The following FAM234A variants were observed in gnomAD, a reference collection of about 807,000 sequenced individuals.
FAM234A encodes the protein family with sequence similarity 234 member A.
FAM234A carries 42 observed loss-of-function variants against 49.1 expected under a neutral mutation model. The observed-to-expected ratio is 0.86, with a 90% CI of 0.67 to 1.11. FAM234A has a LOEUF of 1.11. Ranked by LOEUF, FAM234A falls within the 50% of genes least tolerant of loss-of-function variation. The pLI is 0.00. For synonymous variants in FAM234A, 369 were observed against 316.2 expected (o/e 1.17, Z -1.77); for missense variants, 815 against 745.2 (o/e 1.09, Z -1.09).
At chr16:243,713 C>T (rs1193039566) in intron 1 of FAM234A, among the ~76,000 whole-genome samples, 1 of 152,180 alleles carries the variant, frequency 6.6e-6, no homozygotes, top group Non-Finnish European at 1.5e-5. Flanking sequence ...TCCTGACCAG[C>T]TTTTTAATTT....
rs755147432 is a variant in FAM234A, at chr16:264,884, CCTGGT to C, written c.1524_1528del (p.Val509CysfsTer20). ...GCCCGGCAGACTCAGAGGCACCCGGCCTGGTCTCTGTGATCAAGCACAAGGTGCGG... is the reference window on the plus strand; with the variant it reads ...GCCCGGCAGACTCAGAGGCACCCGGCCTCTGTGATCAAGCACAAGGTGCGG... On this transcript the variant is annotated frameshift_variant, in exon 13 of 13. Transcript: ENST00000399932. LOFTEE classifies it low-confidence loss of function (END_TRUNC). 6.2e-7 allele frequency: 1 copy of C among 1,612,832 alleles called. No individual in the cohort carries two copies. Among genetic ancestry groups the C allele is most frequent in the South Asian group, 1.1e-5 (1 of 91,086 alleles).
chr16:243,156 T>G (rs147780741), intron 1 of FAM234A, among the ~76,000 whole-genome samples: 27 of 152,006 alleles, frequency 1.8e-4, no homozygotes, highest in African/African-American at 6.5e-4. Context: ...TTATTTTACT[T>G]TTTGTAGAGA....
chr16:261,619 A>G lies in FAM234A; in HGVS notation c.708+105A>G, dbSNP rs895157028. On this transcript the variant is annotated intron_variant, in intron 6 of 12. Coordinates refer to ENST00000399932, the MANE Select transcript of FAM234A (RefSeq NM_032039.4). ...ACTTCCCAGACAGGATTCGGGTCTG[A>G]CCACTTGCCGGGGACTCGCCCAGAG... 2.9e-6 allele frequency: 4 copies of G among 1,387,860 alleles called. No individual in the cohort carries two copies. The African/African-American group carries it at 4.3e-5, about 15-fold the overall frequency. The allele number at this position is 1,387,860 out of a possible 1,614,324, so 86.0% of individuals were successfully genotyped here.
At chr16:248,736 T>G (rs1355294672) in intron 1 of FAM234A, among the ~76,000 whole-genome samples, 2 of 151,888 alleles carry the variant, frequency 1.3e-5, no homozygotes, top group East Asian at 3.9e-4. Flanking sequence ...TCCTCCTGCC[T>G]CAGCCTCCTG....
At chr16:234,908 AG>A (rs1195028720) in intron 1 of FAM234A, 51 bp downstream of exon 1, 1 of 152,246 alleles carries the variant, frequency 6.6e-6, no homozygotes, top group Non-Finnish European at 1.5e-5. Flanking sequence ...GGGGCGCCGC[AG>A]GCCGCCCCTT....
intron 1 of FAM234A, among the ~76,000 whole-genome samples, chr16:243,244 A>T (rs2050681633): frequency 6.6e-6 from 1 of 152,068 alleles, no homozygotes; most frequent in African/African-American, 2.4e-5. Flanking sequence ...CTCCCAAAGC[A>T]CTAGGATTAT....
chr16:267,646 C>T (rs1273886544), downstream of FAM234A, among the ~76,000 whole-genome samples: 2 of 131,546 alleles, frequency 1.5e-5, no homozygotes, highest in Non-Finnish European at 3.2e-5. Flanking sequence ...TCATACGACA[C>T]GTGCACACAC....
chr16:252,380 A>T (rs1001271873), intron 2 of FAM234A, among the ~76,000 whole-genome samples: 2 of 151,614 alleles, frequency 1.3e-5, no homozygotes, highest in African/African-American at 4.8e-5. Flanking sequence ...TGCGGTTTTC[A>T]CCATGTTGTC....
intron 9 of FAM234A, 82 bp from the exon 10 acceptor site, chr16:263,618 G>GAA: frequency 7.6e-7 from 1 of 1,307,584 alleles, no homozygotes; most frequent in Non-Finnish European, 1.1e-6. Context: ...GAGACTGAGG[G>GAA]GCGGACGTGT....
intron 11 of FAM234A, 151 bp from the exon 12 acceptor site, chr16:264,463 G>A: frequency 1.4e-6 from 1 of 695,466 alleles, no homozygotes; most frequent in African/African-American, 1.8e-5. Flanking sequence ...GGAGGACCTG[G>A]GAGGTGGCCA....
chr16:244,682 CTTTTTT>C (rs59549388), intron 1 of FAM234A, among the ~76,000 whole-genome samples: 5 of 86,740 alleles, frequency 5.8e-5, no homozygotes, highest in Non-Finnish European at 9.1e-5. Context: ...ATGGTAACCT[CTTTTTT>C]TTTTTTTTTT....
downstream of FAM234A, among the ~76,000 whole-genome samples, chr16:266,901 G>T (rs874283): frequency 0.21 from 32,446 of 151,956 alleles, 4,248 homozygotes; most frequent in South Asian, 0.3. Flanking sequence ...CGGGAGGGAG[G>T]GCAGGGGGTC....
chr16:261,455 C>T lies in FAM234A; in HGVS notation c.649C>T (p.Pro217Ser). The T allele has an allele frequency of 6.2e-7, 1 of 1,613,494 alleles. No homozygotes were observed. The highest frequency in any genetic ancestry group is 8.5e-7 in the Non-Finnish European group (1 of 1,179,884). ...CATCCTGAGCCCTCTGCTGCAGGTG[C>T]CTGATGTGGACGGCGATGGGGCCCC... is the stretch of plus-strand genomic sequence containing the variant. ...ASILSPLLQV[P>S]DVDGDGAPDL... Residue 217 changes from proline to serine, a missense_variant, in exon 6 of 13, where the codon CCT becomes TCT. Coordinates refer to ENST00000399932, the MANE Select transcript of FAM234A (RefSeq NM_032039.4).
At chr16:257,982 C>T (rs889382924) in intron 3 of FAM234A, among the ~76,000 whole-genome samples, 7 of 151,984 alleles carry the variant, frequency 4.6e-5, no homozygotes, top group Non-Finnish European at 7.4e-5. Flanking sequence ...CTTAGCCTCC[C>T]GAGTAGCTGG....
intron 1 of FAM234A, among the ~76,000 whole-genome samples, chr16:245,764 GC>G (rs1285519927): frequency 1.3e-5 from 2 of 152,182 alleles, no homozygotes; most frequent in African/African-American, 4.8e-5. Flanking sequence ...GGTTGGACAA[GC>G]TTGGGTTAGA....
chr16:260,305 C>T lies in FAM234A; in HGVS notation c.577+145C>T, dbSNP rs564359471. ...ATGGGAAGGAAGGTTATGGGGAGAA[C>T]CTCCAAGTGAGGCTGCAAGCGTGTG... On this transcript the variant is annotated intron_variant, in intron 5 of 12. Coordinates refer to ENST00000399932, the MANE Select transcript of FAM234A (RefSeq NM_032039.4). 4 of 752,424 alleles carry T rather than the reference C, an allele frequency of 5.3e-6. No homozygotes were observed. In the East Asian group the frequency reaches 7.9e-5, roughly 15 times the overall value. The allele number at this position is 752,424 out of a possible 1,614,324, so 46.6% of individuals were successfully genotyped here.
intron 2 of FAM234A, among the ~76,000 whole-genome samples, 165 bp downstream of exon 2, chr16:249,819 C>T (rs557084589): frequency 1.3e-5 from 2 of 152,184 alleles, no homozygotes; most frequent in South Asian, 2.1e-4. Flanking sequence ...AATTTCTTGG[C>T]TGCAATTTTA....
chr16:265,099 G>T lies in FAM234A; in HGVS notation c.*77G>T, dbSNP rs1349277659. The T allele has an allele frequency of 9.3e-6, 14 of 1,513,200 alleles. No homozygotes were observed. Among genetic ancestry groups the T allele is most frequent in the Non-Finnish European group, 9.7e-6 (11 of 1,133,474 alleles). The allele number at this position is 1,513,200 out of a possible 1,614,324, so 93.7% of individuals were successfully genotyped here. ...TCCTGGGAAGTGGGCCCTTCCCTGG[G>T]TCTCTGCACTGACTCCCCCACTCCT... On this transcript the variant is annotated 3_prime_UTR_variant, in exon 13 of 13. Coordinates refer to ENST00000399932, the MANE Select transcript of FAM234A (RefSeq NM_032039.4).
intron 2 of FAM234A, among the ~76,000 whole-genome samples, chr16:252,072 C>T (rs1488744500): frequency 6.6e-6 from 1 of 150,780 alleles, no homozygotes; most frequent in Non-Finnish European, 1.5e-5. Flanking sequence ...ATGATCAGAG[C>T]TCACTGCAGC....
Sources: allele counts gnomAD v4.1 joint callset (sites outside exome capture counted in the v4.1 genomes callset), GRCh38; gene constraint gnomAD v4.1.1; transcripts MANE v1.5; gene names NCBI Gene and HGNC (gene_info 2026-07-23, HGNC 2026-07-21).